Variants in ARHGAP8 observed in about 807,000 individuals in gnomAD.
ARHGAP8 encodes the protein Rho GTPase activating protein 8.
ARHGAP8 carries 62 observed loss-of-function variants against 46.1 expected under a neutral mutation model. That is an observed-to-expected ratio of 1.34 (90% confidence interval 1.10 to 1.66). The LOEUF (loss-of-function observed/expected upper bound fraction) is 1.66. ARHGAP8 is among the 40% of genes most tolerant of loss of function. The probability of loss-of-function intolerance (pLI) is 0.00; values close to 1 mark genes in which losing one functional copy is unlikely to be tolerated. For missense variants in ARHGAP8, 923 were observed against 568.4 expected (o/e 1.62, Z -6.34); for synonymous variants, 375 against 243.1 (o/e 1.54, Z -5.05).
intron 7 of ARHGAP8, 133 bp from the exon 8 acceptor site, chr22:44,845,136 C>G (rs2069921730): frequency 9.5e-7 from 1 of 1,048,910 alleles, no homozygotes; most frequent in Non-Finnish European, 1.4e-6. Flanking sequence ...AGGGCTGAGC[C>G]TACCTCTCTC....
chr22:44,829,350 C>T (rs780151793), intron 7 of ARHGAP8, among the ~76,000 whole-genome samples: 3 of 152,022 alleles, frequency 2.0e-5, no homozygotes, highest in Non-Finnish European at 2.9e-5. Flanking sequence ...CTTCGAAAGC[C>T]GTCTACCTGA....
intron 1 of ARHGAP8, among the ~76,000 whole-genome samples, chr22:44,784,191 G>A (rs1030840353): frequency 6.6e-6 from 1 of 152,070 alleles, no homozygotes; most frequent in African/African-American, 2.4e-5. Flanking sequence ...ATCACTTGAG[G>A]CCAGGGGTTC....
intron 1 of ARHGAP8, among the ~76,000 whole-genome samples, chr22:44,776,452 C>CA (rs5845669): frequency 0.72 from 104,554 of 144,460 alleles, 36,931 homozygotes; most frequent in South Asian, 0.83. Flanking sequence ...AACTCCGTCT[C>CA]AAAAAAAAAG....
At chr22:44,833,025 T>C (rs1931053945) in intron 7 of ARHGAP8, among the ~76,000 whole-genome samples, 1 of 151,888 alleles carries the variant, frequency 6.6e-6, no homozygotes, top group Non-Finnish European at 1.5e-5. Flanking sequence ...CTAAGCATAA[T>C]GTTAGCTGTG....
At chr22:44,798,180 T>A (rs1377830159) in intron 2 of ARHGAP8, among the ~76,000 whole-genome samples, 1 of 150,936 alleles carries the variant, frequency 6.6e-6, no homozygotes, top group East Asian at 2.0e-4. Flanking sequence ...TTCACCATGT[T>A]AGCCAGGCTG....
chr22:44,768,639 G>A (rs1925774636), intron 1 of ARHGAP8, among the ~76,000 whole-genome samples: 1 of 151,768 alleles, frequency 6.6e-6, no homozygotes, highest in African/African-American at 2.4e-5. Context: ...TGGACCTAGG[G>A]GTATTTCCTG....
chr22:44,839,223 A>C (rs894840472), intron 7 of ARHGAP8, among the ~76,000 whole-genome samples: 1 of 152,196 alleles, frequency 6.6e-6, no homozygotes, highest in East Asian at 1.9e-4. Flanking sequence ...GGAAGGAGGC[A>C]GGGGGCCAGG....
chr22:44,857,634 T>C (rs1259069814), intron 10 of ARHGAP8, among the ~76,000 whole-genome samples: 1 of 152,106 alleles, frequency 6.6e-6, no homozygotes, highest in Non-Finnish European at 1.5e-5. Context: ...ACATGCCATC[T>C]TCAGAGATGA....
intron 2 of ARHGAP8, among the ~76,000 whole-genome samples, chr22:44,798,977 C>T (rs1928292376): frequency 6.6e-6 from 1 of 152,212 alleles, no homozygotes; most frequent in Non-Finnish European, 1.5e-5. Context: ...AGGTGTGGGT[C>T]TTCCCACTCC....
At chr22:44,860,782 G>C (rs948871026) in intron 11 of ARHGAP8, among the ~76,000 whole-genome samples, 3 of 152,116 alleles carry the variant, frequency 2.0e-5, no homozygotes, top group East Asian at 1.9e-4. Context: ...ACACATCCAC[G>C]TGGGTCCACC....
intron 2 of ARHGAP8, among the ~76,000 whole-genome samples, chr22:44,793,604 C>T (rs1401774520): frequency 6.6e-6 from 1 of 152,124 alleles, no homozygotes; most frequent in Non-Finnish European, 1.5e-5. Context: ...TTTTAATCGC[C>T]GTCCGCTGGG....
intron 10 of ARHGAP8, chr22:44,849,346 A>G: frequency 2.3e-6 from 1 of 439,984 alleles, no homozygotes. Flanking sequence ...GGGGCTCTCT[A>G]GATTTGGGGC....
At chr22:44,848,089 G>T in intron 9 of ARHGAP8, 39 bp downstream of exon 9, 1 of 1,600,718 alleles carries the variant, frequency 6.2e-7, no homozygotes. Context: ...GAGCTGCCTG[G>T]TCAGCGAGCA....
At chr22:44,835,758 C>T (rs902933390) in intron 7 of ARHGAP8, among the ~76,000 whole-genome samples, 1 of 152,198 alleles carries the variant, frequency 6.6e-6, no homozygotes, top group Admixed American at 6.5e-5. Flanking sequence ...CAAGCAGGAC[C>T]ATGTGGCCCT....
intron 3 of ARHGAP8, 64 bp downstream of exon 3, chr22:44,802,228 A>T: frequency 6.3e-7 from 1 of 1,578,448 alleles, no homozygotes; most frequent in Non-Finnish European, 8.6e-7. Context: ...CCATCCCTTC[A>T]CCCCACCTCA....
Position 44,862,638 on chromosome 22 carries a change from G to C in ARHGAP8, c.*43G>C. On this transcript the variant is annotated 3_prime_UTR_variant, in exon 12 of 12. Transcript: ENST00000356099. The stretch of plus-strand genomic sequence containing the variant: ...ATATTTCGAGCTACCTCCCACACCT[G>C]TCTGTGCACTTGTATGTTTTGTAAA... 2.0e-6 allele frequency: 3 copies of C among 1,514,662 alleles called. No individual in the cohort carries two copies. Among genetic ancestry groups the C allele is most frequent in the South Asian group, 2.6e-5 (2 of 76,398 alleles). The allele number at this position is 1,514,662 out of a possible 1,614,324, so 93.8% of individuals were successfully genotyped here.
At chr22:44,848,537 T>G (rs905411199) in intron 9 of ARHGAP8, among the ~76,000 whole-genome samples, 1 of 152,228 alleles carries the variant, frequency 6.6e-6, no homozygotes, top group Admixed American at 6.5e-5. Context: ...CCGTCATCAG[T>G]TGTGCATTAC....
chr22:44,822,898 T>G (rs780142032), intron 6 of ARHGAP8, among the ~76,000 whole-genome samples: 17 of 152,092 alleles, frequency 1.1e-4, no homozygotes, highest in Non-Finnish European at 1.8e-4. Flanking sequence ...GCTGAAAGCT[T>G]AATTGGTGTG....
intron 1 of ARHGAP8, among the ~76,000 whole-genome samples, chr22:44,783,162 G>C (rs1441962732): frequency 6.6e-6 from 1 of 151,666 alleles, no homozygotes; most frequent in Non-Finnish European, 1.5e-5. Context: ...GGCTGGTCTC[G>C]AACTCCTGAC....
Sources: allele counts gnomAD v4.1 joint callset (sites outside exome capture counted in the v4.1 genomes callset), GRCh38; gene constraint gnomAD v4.1.1; transcripts MANE v1.5; gene names NCBI Gene and HGNC (gene_info 2026-07-23, HGNC 2026-07-21).